The following LUZP2 variants were observed in gnomAD, a reference collection of about 807,000 sequenced individuals.
LUZP2 encodes the protein leucine zipper protein 2.
In LUZP2, 52 loss-of-function variants were observed where a neutral mutation model predicts 51.6. That is an observed-to-expected ratio of 1.01 (90% CI 0.81 to 1.27). The LOEUF (loss-of-function observed/expected upper bound fraction) is 1.27, where lower values mean the gene tolerates loss of function less well. LUZP2 is among the 50% of genes most tolerant of loss of function. LUZP2 has a pLI of 0.00. For missense variants in LUZP2, 436 were observed against 395.4 expected, an observed-to-expected ratio of 1.10 and a Z score of -0.87; for synonymous variants, 154 against 137.3, an observed-to-expected ratio of 1.12 and a Z score of -0.85.
At chr11:24,772,667 T>C (rs1462052334) in intron 5 of LUZP2, among the ~76,000 whole-genome samples, 5 of 152,142 alleles carry the variant, frequency 3.3e-5, no homozygotes, top group Non-Finnish European at 7.3e-5. Context: ...AAAGTATGTG[T>C]CCTAAAACAA....
At chr11:24,504,963 C>T (rs1001185744) in intron 1 of LUZP2, among the ~76,000 whole-genome samples, 1 of 152,116 alleles carries the variant, frequency 6.6e-6, no homozygotes, top group African/African-American at 2.4e-5. Flanking sequence ...AATTTAATAA[C>T]TGAAGGTCAC....
intron 5 of LUZP2, among the ~76,000 whole-genome samples, chr11:24,763,623 G>A (rs186866422): frequency 2.6e-5 from 4 of 151,910 alleles, no homozygotes; most frequent in African/African-American, 9.7e-5. Flanking sequence ...GACATTACAG[G>A]CACTGAAGAA....
chr11:25,035,619 A>G (rs752238628), intron 9 of LUZP2, among the ~76,000 whole-genome samples: 2 of 152,154 alleles, frequency 1.3e-5, no homozygotes, highest in Non-Finnish European at 2.9e-5. Context: ...GCCCAAAACA[A>G]TGTACAGATT....
At chr11:24,887,841 A>T (rs1340552833) in intron 5 of LUZP2, among the ~76,000 whole-genome samples, 1 of 152,170 alleles carries the variant, frequency 6.6e-6, no homozygotes, top group Non-Finnish European at 1.5e-5. Context: ...CAGTCATATA[A>T]AGTGGTGCAC....
At chr11:24,870,823 G>A (rs141363912) in intron 5 of LUZP2, among the ~76,000 whole-genome samples, 1 of 152,028 alleles carries the variant, frequency 6.6e-6, no homozygotes, top group Non-Finnish European at 1.5e-5. Flanking sequence ...TCATTTCGTT[G>A]TAAGAAGTCC....
At chr11:24,838,171 C>T (rs1159564678) in intron 5 of LUZP2, among the ~76,000 whole-genome samples, 1 of 151,656 alleles carries the variant, frequency 6.6e-6, no homozygotes, top group Non-Finnish European at 1.5e-5. Context: ...TTACATTTAT[C>T]TGATAGCCAC....
At position 24,659,953 on chromosome 11, in the gene LUZP2, G is replaced by C. The variant is rs115207359; in HGVS notation, c.63-69216G>C. Among the ~76,000 whole-genome samples the C allele has an allele frequency of 3.8e-3, 583 of 152,192 alleles. 2 individuals carry two copies. Among genetic ancestry groups the C allele is most frequent in the African/African-American group, 0.013 (546 of 41,534 alleles). On this transcript the variant is annotated intron_variant, in intron 1 of 11. Transcript: ENST00000336930. ...GATGGCAAAGGTGAGAGGGAGTTTT[G>C]CAGTTGTAATTAGGTCCATAATCAG... is the stretch of plus-strand genomic sequence containing the variant.
chr11:24,653,082 G>A (rs1434205618), intron 1 of LUZP2, among the ~76,000 whole-genome samples: 2 of 152,062 alleles, frequency 1.3e-5, no homozygotes, highest in Non-Finnish European at 2.9e-5. Flanking sequence ...ATAAGGAGTT[G>A]GTTTTTATTC....
intron 7 of LUZP2, among the ~76,000 whole-genome samples, chr11:24,922,837 C>CTTTTTTT (rs749672583): frequency 1.7e-4 from 8 of 47,368 alleles, no homozygotes; most frequent in African/African-American, 3.4e-4. Flanking sequence ...TTTTTTTTTT[C>CTTTTTTT]TTTTTTTTTT....
At chr11:24,972,685 T>A (rs2133898461) in intron 7 of LUZP2, among the ~76,000 whole-genome samples, 1 of 152,164 alleles carries the variant, frequency 6.6e-6, no homozygotes, top group Non-Finnish European at 1.5e-5. Context: ...GATAATCATG[T>A]GGGTTTTTTT....
intron 7 of LUZP2, among the ~76,000 whole-genome samples, chr11:24,955,636 A>G (rs909502010): frequency 5.3e-5 from 8 of 152,000 alleles, no homozygotes; most frequent in African/African-American, 1.4e-4. Flanking sequence ...GGAATAATTC[A>G]CCTCTCGTTG....
At chr11:25,074,746 T>A (rs769526528) in intron 10 of LUZP2, among the ~76,000 whole-genome samples, 16 of 152,188 alleles carry the variant, frequency 1.1e-4, no homozygotes, top group Admixed American at 2.0e-4. Context: ...AGCATGCCGA[T>A]TAAAAATGCA....
intron 1 of LUZP2, among the ~76,000 whole-genome samples, chr11:24,697,796 T>G (rs1857292496): frequency 6.6e-6 from 1 of 152,184 alleles, no homozygotes; most frequent in Non-Finnish European, 1.5e-5. Context: ...CTTCTCTGGT[T>G]TCTCCTACAG....
chr11:25,014,703 C>T (rs1857093264), intron 9 of LUZP2, among the ~76,000 whole-genome samples: 1 of 152,122 alleles, frequency 6.6e-6, no homozygotes. Context: ...TGTAGGTTAC[C>T]TGTTCACTCT....
intron 11 of LUZP2, among the ~76,000 whole-genome samples, chr11:25,077,824 C>T (rs1232716068): frequency 1.3e-5 from 2 of 152,112 alleles, no homozygotes; most frequent in Admixed American, 6.6e-5. Flanking sequence ...ACTCTTCTCT[C>T]TTGCTCTTGC....
intron 1 of LUZP2, among the ~76,000 whole-genome samples, chr11:24,545,705 G>A (rs1305772086): frequency 2.0e-5 from 3 of 152,048 alleles, no homozygotes; most frequent in African/African-American, 7.2e-5. Flanking sequence ...AGTATAGTTT[G>A]AAGCTGGGTA....
At chr11:24,801,432 G>T (rs561614732) in intron 5 of LUZP2, among the ~76,000 whole-genome samples, 2 of 151,962 alleles carry the variant, frequency 1.3e-5, no homozygotes, top group African/African-American at 4.8e-5. Context: ...AGGAAATCGT[G>T]TTAACCATTT....
intron 1 of LUZP2, among the ~76,000 whole-genome samples, chr11:24,613,951 T>A (rs373481237): frequency 2.6e-5 from 4 of 152,128 alleles, no homozygotes; most frequent in African/African-American, 9.6e-5. Flanking sequence ...CTAGGCACAG[T>A]TAACCGCCAA....
intron 5 of LUZP2, among the ~76,000 whole-genome samples, chr11:24,882,934 A>C (rs957826320): frequency 1.3e-5 from 2 of 148,184 alleles, no homozygotes; most frequent in South Asian, 2.1e-4. Flanking sequence ...GAACGAAAGA[A>C]AGAAAGAGAA....
Sources: gnomAD v4.1 joint callset for allele counts (sites outside exome capture counted in the v4.1 genomes callset) on GRCh38, gnomAD v4.1.1 for gene constraint, MANE v1.5 for transcripts, NCBI Gene and HGNC (gene_info 2026-07-23, HGNC 2026-07-21) for gene names.